The following DAP3 variants were observed in gnomAD, a reference collection of about 807,000 sequenced individuals.
The protein encoded by DAP3 is death associated protein 3, also known as small ribosomal subunit protein mS29.
A neutral mutation model predicts 51.9 loss-of-function variants in DAP3; 28 were observed. The ratio of observed to expected loss-of-function variants is 0.54; its 90% CI spans 0.40 to 0.74. The LOEUF (loss-of-function observed/expected upper bound fraction) is 0.74. Ranked by LOEUF, DAP3 falls within the 30% of genes least tolerant of loss-of-function variation. The pLI is 0.00. For synonymous variants in DAP3, 170 were observed against 170.3 expected, an observed-to-expected ratio of 1.00 and a Z score of 0.01; for missense variants, 458 against 483.5, an observed-to-expected ratio of 0.95 and a Z score of 0.49.
intron 3 of DAP3, among the ~76,000 whole-genome samples, chr1:155,718,705 A>AAGAAAGATAGATAGAT (rs140806404): frequency 2.3e-4 from 33 of 140,944 alleles, no homozygotes; most frequent in African/African-American, 8.1e-4. Flanking sequence ...AAAAGAAAGA[A>AAGAAAGATAGATAGAT]AGATAGATAG....
At chr1:155,690,701 C>T (rs898747442) in intron 1 of DAP3, among the ~76,000 whole-genome samples, 1 of 141,830 alleles carries the variant, frequency 7.1e-6, no homozygotes. Flanking sequence ...TGTAAGAAAG[C>T]ACTTTGTACT....
In DAP3 at chr1:155,692,371, A is replaced by G. The variant is rs779697332; in HGVS notation, c.-8+3197A>G. 7.8e-5 allele frequency among the ~76,000 whole-genome samples: 11 copies of G among 141,662 alleles called. 1 individual carries two copies. Among genetic ancestry groups the G allele is most frequent in the Non-Finnish European group, 1.3e-4 (9 of 68,038 alleles). The allele number at this position is 141,662 out of a possible 152,430, so 92.9% of individuals were successfully genotyped here. On this transcript the variant is annotated intron_variant, in intron 1 of 12. Transcript: ENST00000368336. Reference sequence around the variant, plus strand: ...AGGCACCCTGTAAGCCTTTTTCCCAACATGCCCCCCTTTTTTCTTTTTTAA... The same window carrying G: ...AGGCACCCTGTAAGCCTTTTTCCCAGCATGCCCCCCTTTTTTCTTTTTTAA...
At chr1:155,726,092 A>G in intron 6 of DAP3, 73 bp downstream of exon 6, 2 of 1,257,442 alleles carry the variant, frequency 1.6e-6, no homozygotes, top group Non-Finnish European at 2.2e-6. Flanking sequence ...TTGCAGCTTT[A>G]ATTTTCTTTT....
chr1:155,729,405 TC>T, intron 9 of DAP3, 39 bp downstream of exon 9: 2 of 1,606,824 alleles, frequency 1.2e-6, no homozygotes, highest in Non-Finnish European at 1.7e-6. Context: ...TTCTCTGATT[TC>T]TGATTCCATC....
At chr1:155,714,757 A>G (rs1292283641) in intron 2 of DAP3, among the ~76,000 whole-genome samples, 1 of 152,064 alleles carries the variant, frequency 6.6e-6, no homozygotes, top group Non-Finnish European at 1.5e-5. Flanking sequence ...CTCCGTCTCA[A>G]AAAAAAAGAA....
At chr1:155,699,131 C>T (rs181999290) in intron 1 of DAP3, among the ~76,000 whole-genome samples, 2 of 152,322 alleles carry the variant, frequency 1.3e-5, no homozygotes, top group East Asian at 3.9e-4. Context: ...CTGGTCTCTA[C>T]ACTATTTATT....
At chr1:155,688,918 A>G, upstream of DAP3, 1 of 1,613,152 alleles carries the variant, frequency 6.2e-7, no homozygotes, top group South Asian at 1.1e-5. Flanking sequence ...GCCGAGTCCC[A>G]TGACAACCTA....
chr1:155,712,089 C>T, intron 2 of DAP3, among the ~76,000 whole-genome samples: 1 of 151,992 alleles, frequency 6.6e-6, no homozygotes, highest in East Asian at 1.9e-4. Context: ...TGGCAACACC[C>T]TCACAGACAC....
At chr1:155,704,603 C>T (rs570536677) in intron 1 of DAP3, among the ~76,000 whole-genome samples, 4 of 152,332 alleles carry the variant, frequency 2.6e-5, no homozygotes, top group Non-Finnish European at 5.9e-5. Context: ...TTATTCACCA[C>T]TATAGACTCT....
At chr1:155,719,401 A>G (rs1470772252) in intron 3 of DAP3, among the ~76,000 whole-genome samples, 2 of 151,438 alleles carry the variant, frequency 1.3e-5, no homozygotes, top group African/African-American at 4.9e-5. Context: ...ATGCCTGGCT[A>G]AGTTTTGTAT....
chr1:155,723,084 A>T lies in DAP3; in HGVS notation c.270+1466A>T, dbSNP rs528363237. Among the ~76,000 whole-genome samples, 18 of 150,558 alleles carry T rather than the reference A, an allele frequency of 1.2e-4. No individual in the cohort carries two copies. In the South Asian group the frequency reaches 2.9e-3, roughly 25 times the overall value. ...TGCCTAATATGACTTTTTTTTTTTTAAATACTGCTCCTTTTGGAGCAGACC... is the reference window on the plus strand; with the variant it reads ...TGCCTAATATGACTTTTTTTTTTTTTAATACTGCTCCTTTTGGAGCAGACC... On this transcript the variant is annotated intron_variant, in intron 4 of 12. Transcript: ENST00000368336.
intron 7 of DAP3, 116 bp from the exon 8 acceptor site, chr1:155,728,926 A>T: frequency 1.1e-6 from 1 of 940,766 alleles, no homozygotes; most frequent in African/African-American, 1.7e-5. Context: ...CAGAACCTGA[A>T]CAATAGATTA....
chr1:155,688,729 C>A, upstream of DAP3: 1 of 1,518,452 alleles, frequency 6.6e-7, no homozygotes, highest in Non-Finnish European at 8.8e-7. Context: ...GCCCGCACGG[C>A]CACCAACCGC....
chr1:155,723,655 GT>G (rs1000951517), intron 4 of DAP3, among the ~76,000 whole-genome samples: 1 of 152,132 alleles, frequency 6.6e-6, no homozygotes, highest in Non-Finnish European at 1.5e-5. Flanking sequence ...CCTTTATCAT[GT>G]TTTTTTGAAC....
chr1:155,703,303 G>A (rs752174696), intron 1 of DAP3, among the ~76,000 whole-genome samples: 3 of 152,208 alleles, frequency 2.0e-5, no homozygotes, highest in Non-Finnish European at 4.4e-5. Flanking sequence ...GCAACAAGGA[G>A]CAAGTCATAT....
At chr1:155,735,212 C>G (rs992638664) in intron 11 of DAP3, among the ~76,000 whole-genome samples, 2 of 151,716 alleles carry the variant, frequency 1.3e-5, no homozygotes, top group African/African-American at 4.8e-5. Context: ...CCCTGGGAGG[C>G]AGAGGTTGCA....
intron 1 of DAP3, among the ~76,000 whole-genome samples, chr1:155,694,626 G>A (rs943456973): frequency 2.1e-4 from 26 of 122,334 alleles, no homozygotes; most frequent in Non-Finnish European, 1.0e-4. Flanking sequence ...GCCATCAGGC[G>A]TGCTGGGAGT....
intron 11 of DAP3, 57 bp downstream of exon 11, chr1:155,732,090 T>C (rs1448974854): frequency 7.1e-7 from 1 of 1,409,694 alleles, no homozygotes. Flanking sequence ...TAAAGAAAAA[T>C]ATTTTTATTA....
chr1:155,733,762 A>C (rs1402597622), intron 11 of DAP3, among the ~76,000 whole-genome samples: 1 of 152,116 alleles, frequency 6.6e-6, no homozygotes, highest in African/African-American at 2.4e-5. Context: ...GGTTGAACCC[A>C]GGAGGCGGAG....
Sources: gnomAD v4.1 joint callset for allele counts (sites outside exome capture counted in the v4.1 genomes callset) on GRCh38, gnomAD v4.1.1 for gene constraint, MANE v1.5 for transcripts, NCBI Gene and HGNC (gene_info 2026-07-23, HGNC 2026-07-21) for gene names.